The following CMYA5 variants were observed in gnomAD, a reference collection of about 807,000 sequenced individuals.
CMYA5 encodes cardiomyopathy-associated protein 5.
A neutral mutation model predicts 318.9 loss-of-function variants in CMYA5; 246 were observed. The ratio of observed to expected loss-of-function variants is 0.77; its 90% CI spans 0.70 to 0.86. CMYA5 has a LOEUF of 0.86. CMYA5 is among the 40% of genes least tolerant of loss of function. The pLI is 0.00. For missense variants in CMYA5, 4,589 were observed against 4,678.2 expected (o/e 0.98, Z 0.56); for synonymous variants, 1,641 against 1,729.5 (o/e 0.95, Z 1.27).
At chr5:79,706,373 T>C (rs536125651) in intron 1 of CMYA5, among the ~76,000 whole-genome samples, 1 of 152,302 alleles carries the variant, frequency 6.6e-6, no homozygotes. Flanking sequence ...AGAAGCACAG[T>C]CTTTCCATAA....
chr5:79,776,701 C>T (rs1029353313), intron 9 of CMYA5, among the ~76,000 whole-genome samples: 1 of 152,200 alleles, frequency 6.6e-6, no homozygotes, highest in African/African-American at 2.4e-5. Context: ...ACTCTGTTCA[C>T]AGTTCACACT....
At chr5:79,784,733 C>T (rs987273876) in intron 9 of CMYA5, among the ~76,000 whole-genome samples, 5 of 144,172 alleles carry the variant, frequency 3.5e-5, no homozygotes, top group Non-Finnish European at 7.5e-5. Flanking sequence ...CTCCCTGACC[C>T]CTTGCGCTTC....
rs6893869 is a variant in CMYA5 at position 79,731,782 on chromosome 5, T to C, written c.3017T>C (p.Val1006Ala). Residue 1006 changes from valine (V) to alanine (A), a missense_variant, in exon 2 of 13, where the codon GTT becomes GCT. By Grantham distance (64) the Val-to-Ala change is moderately conservative (BLOSUM62 0). This residue lies in a region of CMYA5 where 2,132 missense variants were observed against 2,131.3 expected (regional missense o/e 1.00). Coordinates refer to ENST00000446378, the MANE Select transcript of CMYA5 (RefSeq NM_153610.5). ...TTCTCTCCAGACTCAGCATCACAAG[T>C]TTCAATCCCTCCCTTTAGAATCTCA... is the stretch of plus-strand genomic sequence containing the variant. The part of the protein sequence containing the change: ...ELFSPDSASQ[V>A]SIPPFRISET... 190,961 of 1,612,754 alleles carry C rather than the reference T, an allele frequency of 0.12. 21,502 individuals are homozygous for C. Among genetic ancestry groups the C allele is most frequent in the African/African-American group, 0.52 (39,179 of 74,898 alleles).
intron 1 of CMYA5, among the ~76,000 whole-genome samples, chr5:79,720,048 GA>G (rs1827590883): frequency 6.6e-6 from 1 of 152,168 alleles, no homozygotes; most frequent in African/African-American, 2.4e-5. Flanking sequence ...GCACACACAG[GA>G]TACAGTGAAA....
chr5:79,709,960 C>CAAAAAAAA (rs61657639), intron 1 of CMYA5, among the ~76,000 whole-genome samples: 186 of 24,140 alleles, frequency 7.7e-3, no homozygotes, highest in Non-Finnish European at 8.4e-3. Flanking sequence ...GACTCCATCT[C>CAAAAAAAA]AAAAAAAAAA....
At chr5:79,776,680 C>A (rs1469866403) in intron 9 of CMYA5, among the ~76,000 whole-genome samples, 1 of 152,126 alleles carries the variant, frequency 6.6e-6, no homozygotes, top group East Asian at 1.9e-4. Flanking sequence ...TCCTTCAGGG[C>A]CCAGCCATGT....
chr5:79,709,960 C>CA (rs61657639), intron 1 of CMYA5, among the ~76,000 whole-genome samples: 10,917 of 24,370 alleles, frequency 0.45, 3,281 homozygotes, highest in East Asian at 0.55. Context: ...GACTCCATCT[C>CA]AAAAAAAAAA....
At chr5:79,770,100 C>T (rs1021813672) in intron 9 of CMYA5, among the ~76,000 whole-genome samples, 30 of 152,232 alleles carry the variant, frequency 2.0e-4, no homozygotes, top group African/African-American at 6.5e-4. Flanking sequence ...TTGTTGACAC[C>T]GTGAGGGGAA....
At chr5:79,724,937 C>T (rs576506547) in intron 1 of CMYA5, among the ~76,000 whole-genome samples, 27 of 152,308 alleles carry the variant, frequency 1.8e-4, no homozygotes, top group African/African-American at 5.5e-4. Context: ...CTTACACCAT[C>T]TCCTATCTTC....
chr5:79,721,410 A>G (rs576021998), intron 1 of CMYA5, among the ~76,000 whole-genome samples: 43 of 152,158 alleles, frequency 2.8e-4, no homozygotes, highest in Non-Finnish European at 5.1e-4. Context: ...AAATAATAAG[A>G]TGGCAAATTT....
Position 79,728,209 on chromosome 5 carries a change from C to T in CMYA5, c.150-706C>T, listed in dbSNP as rs542845507. On this transcript the variant is annotated intron_variant, in intron 1 of 12. Transcript: ENST00000446378. ...CTCAGAGTTCCCAAGATCTATTTGC[C>T]GAACAGTGAATTATTGTTAAAACAG... 3.7e-4 allele frequency among the ~76,000 whole-genome samples: 56 copies of T among 152,102 alleles called. 2 individuals carry two copies. The South Asian group carries it at 0.01, about 28-fold the overall frequency.
At chr5:79,776,798 T>G (rs1331667962) in intron 9 of CMYA5, among the ~76,000 whole-genome samples, 1 of 152,024 alleles carries the variant, frequency 6.6e-6, no homozygotes, top group Non-Finnish European at 1.5e-5. Flanking sequence ...AAACAATACC[T>G]ATTTAGCCAT....
At position 79,729,283 on chromosome 5, in the gene CMYA5, CA is replaced by C. The variant is rs1827819691; in HGVS notation, c.520del (p.Ser174AlafsTer4). The C allele has an allele frequency of 1.2e-6, 2 of 1,610,466 alleles. No homozygotes were observed. The highest frequency in any genetic ancestry group is 2.7e-5 in the African/African-American group (2 of 74,582). On this transcript the variant is annotated frameshift_variant, in exon 2 of 13. Coordinates refer to ENST00000446378, the MANE Select transcript of CMYA5 (RefSeq NM_153610.5). LOFTEE classifies it high-confidence loss of function. ...AAAAAAGGCAGTCCTTTAACTTCAGCAAGCCAGGTACTAACCACGGAGAAAG... is the reference window on the plus strand; with the variant it reads ...AAAAAAGGCAGTCCTTTAACTTCAGCAGCCAGGTACTAACCACGGAGAAAG... ...TNKKGSPLTS[A>X]SQVLTTEKEK...
At chr5:79,772,468 C>A (rs1035558905) in intron 9 of CMYA5, among the ~76,000 whole-genome samples, 4 of 152,170 alleles carry the variant, frequency 2.6e-5, no homozygotes, top group African/African-American at 9.7e-5. Context: ...ATGTTCAGTC[C>A]ATAGCCCAGG....
chr5:79,758,982 T>G (rs1828592026), intron 7 of CMYA5, 80 bp downstream of exon 7: 1 of 1,145,980 alleles, frequency 8.7e-7, no homozygotes, highest in African/African-American at 1.6e-5. Context: ...ACACCTGTAT[T>G]ATGACTCTTC....
intron 10 of CMYA5, 42 bp from the exon 11 acceptor site, chr5:79,790,928 C>T (rs756232984): frequency 3.7e-6 from 5 of 1,369,174 alleles, no homozygotes; most frequent in Non-Finnish European, 4.1e-6. Flanking sequence ...CAGCACTGGT[C>T]CTTGTGGCAA....
chr5:79,776,796 C>G (rs1828947142), intron 9 of CMYA5, among the ~76,000 whole-genome samples: 1 of 152,012 alleles, frequency 6.6e-6, no homozygotes, highest in African/African-American at 2.4e-5. Context: ...AAAAACAATA[C>G]CTATTTAGCC....
Position 79,733,023 on chromosome 5 carries a change from G to A in CMYA5, c.4258G>A (p.Ala1420Thr). ...HSVLAEEDKVAIKGASPIETS... is the reference protein window; with the variant it reads ...HSVLAEEDKVTIKGASPIETS... ...AGTTCTTGCAGAAGAAGACAAGGTG[G>A]CAATTAAAGGTGCTTCTCCCATTGA... Residue 1420 changes from alanine to threonine, a missense_variant, in exon 2 of 13, where the codon GCA becomes ACA. By Grantham distance (58) the Ala-to-Thr change is moderately conservative. Coordinates refer to ENST00000446378, the MANE Select transcript of CMYA5 (RefSeq NM_153610.5). 6.2e-7 allele frequency: 1 copy of A among 1,613,310 alleles called. No individual in the cohort carries two copies. Among genetic ancestry groups the A allele is most frequent in the African/African-American group, 1.3e-5 (1 of 75,046 alleles).
intron 9 of CMYA5, among the ~76,000 whole-genome samples, chr5:79,766,667 G>A (rs183682258): frequency 2.0e-5 from 3 of 152,186 alleles, no homozygotes; most frequent in African/African-American, 7.2e-5. Context: ...ATTTGATTGT[G>A]GTGGATAAGC....
Sources: gnomAD v4.1 joint callset for allele counts (sites outside exome capture counted in the v4.1 genomes callset) on GRCh38, gnomAD v4.1.1 for gene constraint, gnomAD v4.1.1 regional missense constraint, MANE v1.5 for transcripts, NCBI Gene and HGNC (gene_info 2026-07-23, HGNC 2026-07-21) for gene names.